The following MAPDA variants were observed in gnomAD, a reference collection of about 807,000 sequenced individuals.
The protein encoded by MAPDA is N6-Methyl-AMP deaminase.
chr15:43,351,483 T>A, the MAPDA span: 1 of 440,952 alleles, frequency 2.3e-6, no homozygotes. Flanking sequence ...TTTTATTTGA[T>A]CTGGGGTGAG....
chr15:43,349,651 T>C, the MAPDA span, among the ~76,000 whole-genome samples: 1 of 152,228 alleles, frequency 6.6e-6, no homozygotes, highest in Non-Finnish European at 1.5e-5. Flanking sequence ...CACTTTTGAT[T>C]GGATGGTTAG....
At chr15:43,348,402 A>C in the MAPDA span, among the ~76,000 whole-genome samples, 1 of 152,208 alleles carries the variant, frequency 6.6e-6, no homozygotes, top group Non-Finnish European at 1.5e-5. Flanking sequence ...AAAAAATCCA[A>C]GTGTCAAGAA....
At chr15:43,354,264 G>A in the MAPDA span, 1 of 152,196 alleles carries the variant, frequency 6.6e-6, no homozygotes, top group East Asian at 1.9e-4. Flanking sequence ...TAAGGAACAG[G>A]GGAGAGGGAA....
the MAPDA span, chr15:43,351,956 G>C: frequency 1.3e-6 from 2 of 1,546,532 alleles, no homozygotes; most frequent in South Asian, 2.4e-5. Flanking sequence ...GCTATAATGA[G>C]GTGAACTACT....
the MAPDA span, chr15:43,342,938 G>A: frequency 0.16 from 200,647 of 1,261,604 alleles, 26,196 homozygotes; most frequent in African/African-American, 0.6. Context: ...TGCTGAAGGT[G>A]AGGGATGAAA....
At chr15:43,344,214 T>A in the MAPDA span, among the ~76,000 whole-genome samples, 2 of 152,160 alleles carry the variant, frequency 1.3e-5, no homozygotes, top group Admixed American at 1.3e-4. Flanking sequence ...ATAGATTGAT[T>A]TATGCATAAG....
the MAPDA span, among the ~76,000 whole-genome samples, chr15:43,340,674 C>T: frequency 3.3e-5 from 5 of 152,118 alleles, no homozygotes; most frequent in Non-Finnish European, 7.4e-5. Context: ...TGTGAGCCAC[C>T]GTGCCCATCC....
chr15:43,352,162 G>A, the MAPDA span: 3 of 399,246 alleles, frequency 7.5e-6, no homozygotes, highest in Non-Finnish European at 1.3e-5. Flanking sequence ...GACTGTTGTT[G>A]CTAATTAAAT....
the MAPDA span, chr15:43,349,077 ACT>A: frequency 6.2e-7 from 1 of 1,613,606 alleles, no homozygotes; most frequent in East Asian, 2.2e-5. Context: ...CTTCCAGATG[ACT>A]CTCTGTCTCT....
At chr15:43,333,775 C>T in the MAPDA span, among the ~76,000 whole-genome samples, 1 of 152,216 alleles carries the variant, frequency 6.6e-6, no homozygotes, top group Non-Finnish European at 1.5e-5. Context: ...TTGTCACATA[C>T]CTGTTAGGTT....
the MAPDA span, among the ~76,000 whole-genome samples, chr15:43,347,370 T>C: frequency 6.6e-6 from 1 of 152,176 alleles, no homozygotes; most frequent in Non-Finnish European, 1.5e-5. Flanking sequence ...AGAAAATGCA[T>C]GAATTTCCAA....
At chr15:43,350,889 T>C in the MAPDA span, 12 of 1,396,936 alleles carry the variant, frequency 8.6e-6, no homozygotes, top group Non-Finnish European at 1.2e-5. Context: ...GAACACTGAA[T>C]GAGTTCACTT....
the MAPDA span, among the ~76,000 whole-genome samples, chr15:43,341,708 T>C: frequency 2.6e-5 from 4 of 151,974 alleles, no homozygotes; most frequent in African/African-American, 9.7e-5. Context: ...TGAACCATGA[T>C]CGTGCCACTG....
chr15:43,351,195 G>A, the MAPDA span: 191 of 670,044 alleles, frequency 2.9e-4, 1 homozygote, highest in Admixed American at 1.4e-4. Flanking sequence ...GTATGGTGGC[G>A]CACACCTGTA....
chr15:43,350,693 A>G, the MAPDA span, among the ~76,000 whole-genome samples: 6 of 152,172 alleles, frequency 3.9e-5, no homozygotes, highest in African/African-American at 1.2e-4. Context: ...GGAGAAGTGC[A>G]TGGCTGTAAA....
the MAPDA span, among the ~76,000 whole-genome samples, chr15:43,340,696 A>C: frequency 6.6e-6 from 1 of 152,210 alleles, no homozygotes; most frequent in Admixed American, 6.5e-5. Context: ...GATGTACATT[A>C]TTAATGAGTG....
chr15:43,330,369 G>C, the MAPDA span: 4 of 1,571,164 alleles, frequency 2.5e-6, no homozygotes, highest in East Asian at 2.4e-5. Flanking sequence ...CCCGGAACCA[G>C]CAACGCGGCA....
the MAPDA span, chr15:43,349,165 A>C: frequency 6.6e-7 from 1 of 1,507,266 alleles, no homozygotes; most frequent in Non-Finnish European, 8.9e-7. Flanking sequence ...AGCTATTAAA[A>C]GATGGAGTGT....
At chr15:43,337,275 C>CAAAAAAA in the MAPDA span, among the ~76,000 whole-genome samples, 1 of 61,972 alleles carries the variant, frequency 1.6e-5, no homozygotes. Flanking sequence ...GACTCCGTCT[C>CAAAAAAA]AAAAAAAAAA....
Sources: allele counts gnomAD v4.1 joint callset (sites outside exome capture counted in the v4.1 genomes callset), GRCh38; gene constraint gnomAD v4.1.1; transcripts MANE v1.5; gene names NCBI Gene and HGNC (gene_info 2026-07-23, HGNC 2026-07-21).